The following CHODL variants were observed in gnomAD, a reference collection of about 807,000 sequenced individuals.
The protein encoded by CHODL is transmembrane protein MT75.
Under a neutral mutation model 34.5 loss-of-function variants are expected in CHODL, and 29 were observed. The observed-to-expected ratio is 0.84, with a 90% CI of 0.63 to 1.15. The LOEUF (loss-of-function observed/expected upper bound fraction) is 1.15. Ranked by LOEUF, CHODL falls within the 50% of genes most tolerant of loss-of-function variation. The pLI, the probability that CHODL is intolerant of heterozygous loss-of-function variation, is 0.00. For synonymous variants in CHODL, 125 were observed against 116.1 expected, an observed-to-expected ratio of 1.08 and a Z score of -0.49; for missense variants, 332 against 332.5, an observed-to-expected ratio of 1.00 and a Z score of 0.01.
chr21:18,235,077 G>C (rs541248300), intron 2 of CHODL, among the ~76,000 whole-genome samples: 1 of 152,218 alleles, frequency 6.6e-6, no homozygotes, highest in Admixed American at 6.5e-5. Flanking sequence ...GAGGTGCCCA[G>C]TGTGGTAAGA....
chr21:18,189,012 A>G (rs2824698), intron 2 of CHODL, among the ~76,000 whole-genome samples: 4,998 of 152,322 alleles, frequency 0.033, 187 homozygotes, highest in African/African-American at 0.077. Context: ...AGGTTGCAAT[A>G]GCCCTTGTGC....
At chr21:18,019,958 A>G (rs1460570561) in intron 1 of CHODL, among the ~76,000 whole-genome samples, 1 of 152,118 alleles carries the variant, frequency 6.6e-6, no homozygotes, top group African/African-American at 2.4e-5. Flanking sequence ...TGACCAAAAC[A>G]TGTCACATGG....
intron 2 of CHODL, among the ~76,000 whole-genome samples, chr21:18,236,636 C>A (rs2074031084): frequency 6.6e-6 from 1 of 151,966 alleles, no homozygotes; most frequent in African/African-American, 2.4e-5. Flanking sequence ...TATAATGATG[C>A]AGCTCAGAAA....
intron 1 of CHODL, among the ~76,000 whole-genome samples, chr21:17,936,932 G>A (rs1167605749): frequency 6.6e-6 from 1 of 152,014 alleles, no homozygotes; most frequent in Non-Finnish European, 1.5e-5. Flanking sequence ...AAATTAGCTG[G>A]GCGTGGTGGT....
chr21:18,251,866 A>C (rs1394440814), intron 1 of CHODL, among the ~76,000 whole-genome samples: 1 of 150,408 alleles, frequency 6.6e-6, no homozygotes, highest in Non-Finnish European at 1.5e-5. Flanking sequence ...TATACGACAA[A>C]CCTCCATGAC....
intron 1 of CHODL, among the ~76,000 whole-genome samples, chr21:18,004,981 C>T (rs966922341): frequency 3.9e-5 from 6 of 152,204 alleles, no homozygotes; most frequent in Non-Finnish European, 7.3e-5. Context: ...TTGCCAAATA[C>T]TATGCTGAAT....
chr21:18,121,987 A>G (rs2065485347), intron 2 of CHODL, among the ~76,000 whole-genome samples: 1 of 152,190 alleles, frequency 6.6e-6, no homozygotes, highest in Non-Finnish European at 1.5e-5. Context: ...TGCTCTATTT[A>G]TCTATCTATC....
chr21:18,167,205 C>CTG (rs1568919528), intron 2 of CHODL, among the ~76,000 whole-genome samples: 1 of 109,418 alleles, frequency 9.1e-6, no homozygotes, highest in East Asian at 2.6e-4. Context: ...TCCCATTTCT[C>CTG]TCTCTCTGTG....
At chr21:18,115,477 T>C (rs2065401137) in intron 2 of CHODL, among the ~76,000 whole-genome samples, 1 of 152,208 alleles carries the variant, frequency 6.6e-6, no homozygotes, top group Non-Finnish European at 1.5e-5. Context: ...CCTTCTTTTT[T>C]CCACACCTCC....
intron 1 of CHODL, among the ~76,000 whole-genome samples, chr21:18,026,745 C>G (rs553364217): frequency 6.6e-6 from 1 of 152,146 alleles, no homozygotes. Flanking sequence ...CACATGCAAT[C>G]CATTTGATTA....
At chr21:18,175,186 A>G (rs761410314) in intron 2 of CHODL, among the ~76,000 whole-genome samples, 12 of 152,228 alleles carry the variant, frequency 7.9e-5, no homozygotes, top group Admixed American at 1.3e-4. Flanking sequence ...TGCAGTACAG[A>G]TGCATTAATG....
intron 1 of CHODL, among the ~76,000 whole-genome samples, chr21:17,959,645 C>T (rs2063517752): frequency 6.6e-6 from 1 of 152,166 alleles, no homozygotes; most frequent in South Asian, 2.1e-4. Flanking sequence ...ATACATCTAG[C>T]TTGCTCCTAG....
chr21:18,188,372 T>G (rs897978479), intron 2 of CHODL, among the ~76,000 whole-genome samples: 5 of 152,196 alleles, frequency 3.3e-5, no homozygotes, highest in African/African-American at 4.8e-5. Flanking sequence ...TATTTCTACA[T>G]GGATGTTCAA....
At chr21:18,176,782 A>G (rs181916548) in intron 2 of CHODL, among the ~76,000 whole-genome samples, 117 of 152,300 alleles carry the variant, frequency 7.7e-4, no homozygotes, top group African/African-American at 2.6e-3. Context: ...TTATGATCAA[A>G]GATGTAATTT....
chr21:18,089,293 C>T (rs916519492), intron 2 of CHODL, among the ~76,000 whole-genome samples: 8 of 151,940 alleles, frequency 5.3e-5, no homozygotes, highest in Admixed American at 1.3e-4. Context: ...TTTATTTTCT[C>T]GTTATTTTTG....
intron 2 of CHODL, among the ~76,000 whole-genome samples, chr21:18,169,341 T>C (rs538454652): frequency 6.6e-6 from 1 of 152,194 alleles, no homozygotes; most frequent in African/African-American, 2.4e-5. Context: ...TTTTGTAAGG[T>C]AACTAGTAAT....
At chr21:18,140,422 T>C (rs2072787111) in intron 2 of CHODL, among the ~76,000 whole-genome samples, 2 of 152,220 alleles carry the variant, frequency 1.3e-5, no homozygotes, top group African/African-American at 2.4e-5. Flanking sequence ...GACCACTGTT[T>C]ACAGTTTGAG....
chr21:18,227,281 T>C (rs1011351551), intron 2 of CHODL, among the ~76,000 whole-genome samples: 3 of 152,186 alleles, frequency 2.0e-5, no homozygotes, highest in South Asian at 2.1e-4. Context: ...ATTCAGACTG[T>C]AGCAATAATT....
chr21:18,129,620 GCATTGGTTTACCTT>G lies in CHODL; in HGVS notation c.-45+101652_-45+101665del, dbSNP rs541837081. Reference sequence around the variant, plus strand: ...GGTTGAGTGATCCTAACATCATCTGGCATTGGTTTACCTTCAACAGATCCTCAACTAAAGCAGTT... The same window carrying G: ...GGTTGAGTGATCCTAACATCATCTGGCAACAGATCCTCAACTAAAGCAGTT... On this transcript the variant is annotated intron_variant, in intron 2 of 6. Transcript: ENST00000400127. Among the ~76,000 whole-genome samples the G allele has an allele frequency of 4.9e-4, 74 of 152,246 alleles. 1 individual carries two copies. The South Asian group carries it at 0.014, about 28-fold the overall frequency.
Sources: gnomAD v4.1 joint callset for allele counts (sites outside exome capture counted in the v4.1 genomes callset) on GRCh38, gnomAD v4.1.1 for gene constraint, MANE v1.5 for transcripts, NCBI Gene and HGNC (gene_info 2026-07-23, HGNC 2026-07-21) for gene names.